The following KLRF1 variants were observed in gnomAD, a reference collection of about 807,000 sequenced individuals.
KLRF1 encodes the protein killer cell lectin-like receptor subfamily F member 1.
Under a neutral mutation model 30.7 loss-of-function variants are expected in KLRF1, and 27 were observed. The ratio of observed to expected loss-of-function variants is 0.88; its 90% CI spans 0.65 to 1.21. KLRF1 has a LOEUF of 1.21. Ranked by LOEUF, KLRF1 falls within the 50% of genes most tolerant of loss-of-function variation. The probability of loss-of-function intolerance (pLI) is 0.00; values close to 1 mark genes in which losing one functional copy is unlikely to be tolerated. For synonymous variants in KLRF1, 92 were observed against 89.3 expected, an observed-to-expected ratio of 1.03 and a Z score of -0.17; for missense variants, 246 against 259.3, an observed-to-expected ratio of 0.95 and a Z score of 0.35.
the KLRF1 span, among the ~76,000 whole-genome samples, chr12:9,814,348 G>C: frequency 0.07 from 10,691 of 152,282 alleles, 502 homozygotes; most frequent in East Asian, 0.23. Context: ...AGCCGGGACT[G>C]CCACCACCCA....
chr12:9,840,682 C>A (rs1280026869), intron 3 of KLRF1, among the ~76,000 whole-genome samples: 1 of 151,944 alleles, frequency 6.6e-6, no homozygotes, highest in Non-Finnish European at 1.5e-5. Flanking sequence ...ACAAGGAGAG[C>A]GATTTTAAAA....
intron 4 of KLRF1, 165 bp from the exon 5 acceptor site, chr12:9,842,156 T>C: frequency 6.2e-6 from 5 of 805,486 alleles, no homozygotes; most frequent in Non-Finnish European, 9.6e-6. Context: ...ATTGTGTGTG[T>C]GTGTGTGTAA....
At chr12:9,822,598 A>C (rs1867239019), upstream of KLRF1, among the ~76,000 whole-genome samples, 1 of 152,244 alleles carries the variant, frequency 6.6e-6, no homozygotes, top group Non-Finnish European at 1.5e-5. Flanking sequence ...ATACAATGAC[A>C]GGATCAAATC....
the KLRF1 span, among the ~76,000 whole-genome samples, chr12:9,800,486 C>T: frequency 2.0e-5 from 3 of 152,066 alleles, no homozygotes; most frequent in Non-Finnish European, 4.4e-5. Context: ...TTCTGAGTCT[C>T]CAAAGTCCAT....
At chr12:9,842,173 T>C in intron 4 of KLRF1, 148 bp from the exon 5 acceptor site, 1 of 849,448 alleles carries the variant, frequency 1.2e-6, no homozygotes, top group Non-Finnish European at 1.8e-6. Flanking sequence ...GTAACATATA[T>C]ATGATATAAT....
the KLRF1 span, among the ~76,000 whole-genome samples, chr12:9,813,930 C>A: frequency 6.6e-6 from 1 of 152,100 alleles, no homozygotes; most frequent in East Asian, 1.9e-4. Flanking sequence ...AGGCGAGGTC[C>A]CACACACCTC....
At chr12:9,841,682 C>T in intron 3 of KLRF1, 130 bp from the exon 4 acceptor site, 3 of 622,162 alleles carry the variant, frequency 4.8e-6, no homozygotes, top group Middle Eastern at 8.9e-4. Flanking sequence ...TGTGTCTGGA[C>T]AATTTGCTAT....
At chr12:9,824,895 A>G (rs1867263341), upstream of KLRF1, among the ~76,000 whole-genome samples, 1 of 152,208 alleles carries the variant, frequency 6.6e-6, no homozygotes, top group Non-Finnish European at 1.5e-5. Flanking sequence ...TAAAATACAT[A>G]GGAATACAGT....
chr12:9,825,104 A>G (rs1353782346), upstream of KLRF1, among the ~76,000 whole-genome samples: 1 of 152,194 alleles, frequency 6.6e-6, no homozygotes, highest in Non-Finnish European at 1.5e-5. Context: ...TCTTCACAGA[A>G]CTAGAAGAAA....
the KLRF1 span, among the ~76,000 whole-genome samples, chr12:9,815,754 G>A: frequency 6.6e-6 from 1 of 152,176 alleles, no homozygotes; most frequent in South Asian, 2.1e-4. Context: ...TTACCACAAT[G>A]TGTAAGAGCA....
intron 3 of KLRF1, among the ~76,000 whole-genome samples, chr12:9,834,776 C>CAAGAAAA (rs1565506788): frequency 1.8e-4 from 27 of 152,170 alleles, no homozygotes; most frequent in Non-Finnish European, 3.8e-4. Context: ...TGGACCCTAT[C>CAAGAAAA]CTTGAGTTTT....
At chr12:9,802,708 A>G in the KLRF1 span, among the ~76,000 whole-genome samples, 32 of 152,228 alleles carry the variant, frequency 2.1e-4, 3 homozygotes, top group South Asian at 1.2e-3. Flanking sequence ...ATTCCCATTC[A>G]CAATTGCTAT....
chr12:9,819,562 C>A, the KLRF1 span, among the ~76,000 whole-genome samples: 1 of 152,118 alleles, frequency 6.6e-6, no homozygotes, highest in African/African-American at 2.4e-5. Context: ...GGTCTTGGAT[C>A]CCATTTCTCT....
At chr12:9,840,826 A>C (rs967118801) in intron 3 of KLRF1, among the ~76,000 whole-genome samples, 5 of 152,070 alleles carry the variant, frequency 3.3e-5, no homozygotes, top group Non-Finnish European at 5.9e-5. Flanking sequence ...TGTGGAGAAA[A>C]AGGAATGCTT....
Position 9,844,562 on chromosome 12 carries a change from C to A in KLRF1, c.*36C>A. On this transcript the variant is annotated 3_prime_UTR_variant, in exon 6 of 6. Transcript: ENST00000617889. The stretch of plus-strand genomic sequence containing the variant: ...AATTCACAGTGAAATAATCAATGAT[C>A]ACTATTTTTGGCCTATTAGTTTCTA... 8.4e-7 allele frequency: 1 copy of A among 1,193,850 alleles called. No individual in the cohort carries two copies. The highest frequency in any genetic ancestry group is 1.3e-5 in the South Asian group (1 of 78,914). 74.0% of individuals were successfully genotyped at this position (1,193,850 alleles called of 1,614,324 possible). A position where few individuals can be genotyped will look rare whatever the true frequency, so the allele number is the denominator to read the frequency against.
the KLRF1 span, among the ~76,000 whole-genome samples, chr12:9,822,134 G>T: frequency 6.6e-6 from 1 of 152,168 alleles, no homozygotes; most frequent in Non-Finnish European, 1.5e-5. Context: ...AAATGACTGC[G>T]CTAGTTATCC....
chr12:9,809,138 T>C, the KLRF1 span, among the ~76,000 whole-genome samples: 8 of 152,262 alleles, frequency 5.3e-5, no homozygotes, highest in African/African-American at 1.9e-4. Context: ...TTTTTAAGTG[T>C]ATTAAAATCT....
In KLRF1 at chr12:9,832,468, CTT is replaced by C. The variant is rs1867454172; in HGVS notation, c.184+55_184+56del. The C allele has an allele frequency of 7.1e-6, 7 of 983,096 alleles. No homozygotes were observed. The Admixed American group carries it at 1.4e-4, about 20-fold the overall frequency. 60.9% of individuals were successfully genotyped at this position (983,096 alleles called of 1,614,324 possible). ...AAATATGAAAGATGTTTACTTGTCTCTTATAAATCTTTTTATAATTATTCATT... is the reference window on the plus strand; with the variant it reads ...AAATATGAAAGATGTTTACTTGTCTCATAAATCTTTTTATAATTATTCATT... On this transcript the variant is annotated intron_variant, in intron 2 of 5. Transcript: ENST00000617889.
At chr12:9,817,901 G>T in the KLRF1 span, 18 of 193,756 alleles carry the variant, frequency 9.3e-5, no homozygotes, top group Non-Finnish European at 1.9e-4. Flanking sequence ...ATCATCAGAT[G>T]AATCATGCTG....
Sources: allele counts gnomAD v4.1 joint callset (sites outside exome capture counted in the v4.1 genomes callset), GRCh38; gene constraint gnomAD v4.1.1; transcripts MANE v1.5; gene names NCBI Gene and HGNC (gene_info 2026-07-23, HGNC 2026-07-21).